The following LAG3 variants were observed in gnomAD, a reference collection of about 807,000 sequenced individuals.
LAG3 encodes the protein lymphocyte activating 3.
In LAG3, 29 loss-of-function variants were observed where a neutral mutation model predicts 49.0. That is an observed-to-expected ratio of 0.59 (90% confidence interval 0.44 to 0.81). LAG3 has a LOEUF of 0.81. Ranked by LOEUF, LAG3 falls within the 30% of genes least tolerant of loss-of-function variation. LAG3 has a pLI of 0.00. For synonymous variants in LAG3, 320 were observed against 297.3 expected (o/e 1.08, Z -0.79); for missense variants, 693 against 695.2 (o/e 1.00, Z 0.04).
intron 4 of LAG3, among the ~76,000 whole-genome samples, chr12:6,775,070 T>C (rs1185769618): frequency 6.6e-6 from 1 of 152,072 alleles, no homozygotes; most frequent in Non-Finnish European, 1.5e-5. Flanking sequence ...CCTTCCAGCG[T>C]CATTGCCGGC....
In LAG3 at chr12:6,774,635, G is replaced by A; in HGVS notation, c.552G>A (p.Trp184Ter). Reference sequence around the variant, plus strand: ...CAGGATCTCTCAGAGCCTCCGACTGGGTCATTTTGAACTGCTCCTTCAGCC... The same window carrying A: ...CAGGATCTCTCAGAGCCTCCGACTGAGTCATTTTGAACTGCTCCTTCAGCC... ...SPPGSLRASDWVILNCSFSRP... is the reference protein window; with the variant it reads ...SPPGSLRASD The change falls in exon 4 of 8, where the codon TGG (tryptophan) becomes TGA (stop). Residue 184 changes from tryptophan (W) to a stop codon, truncating the protein, a stop_gained. Coordinates refer to ENST00000203629, the MANE Select transcript of LAG3 (RefSeq NM_002286.6). LOFTEE classifies it high-confidence loss of function. 1 of 1,614,108 alleles carries A rather than the reference G, an allele frequency of 6.2e-7. No individual in the cohort carries two copies. Among genetic ancestry groups the A allele is most frequent in the Non-Finnish European group, 8.5e-7 (1 of 1,180,002 alleles).
At chr12:6,774,385 G>A (rs1941880147) in intron 3 of LAG3, among the ~76,000 whole-genome samples, 1 of 152,218 alleles carries the variant, frequency 6.6e-6, no homozygotes, top group Non-Finnish European at 1.5e-5. Flanking sequence ...CTCCAGGCCA[G>A]GGACGGGGAA....
intron 3 of LAG3, 134 bp downstream of exon 3, chr12:6,774,135 G>T: frequency 1.5e-6 from 2 of 1,309,066 alleles, no homozygotes; most frequent in Non-Finnish European, 1.9e-6. Context: ...GTAGAGGAAG[G>T]GGGTGGGCGG....
chr12:6,777,707 T>A, intron 6 of LAG3, 84 bp from the exon 7 acceptor site: 1 of 1,540,158 alleles, frequency 6.5e-7, no homozygotes, highest in Admixed American at 1.8e-5. Flanking sequence ...TCTCTGGATC[T>A]CATTGCATCT....
intron 4 of LAG3, 94 bp downstream of exon 4, chr12:6,774,958 G>A (rs1269090545): frequency 1.6e-6 from 2 of 1,251,384 alleles, no homozygotes; most frequent in East Asian, 2.3e-5. Context: ...CAGGTTCTCG[G>A]CAGCGAGTGG....
At position 6,774,871 on chromosome 12, in the gene LAG3, C is replaced by G; in HGVS notation, c.781+7C>G. 1.2e-6 allele frequency: 2 copies of G among 1,604,878 alleles called. No individual in the cohort carries two copies. The highest frequency in any genetic ancestry group is 1.7e-6 in the Non-Finnish European group (2 of 1,172,990). On this transcript the variant is annotated splice_region_variant and intron_variant, in intron 4 of 7. Transcript: ENST00000203629. Reference sequence around the variant, plus strand: ...TATAACCTCACTGTTCTGGGTAACTCCCCCACTCTGCTTCACATTTGACCA... The same window carrying G: ...TATAACCTCACTGTTCTGGGTAACTGCCCCACTCTGCTTCACATTTGACCA...
intron 5 of LAG3, among the ~76,000 whole-genome samples, chr12:6,777,032 A>T (rs953690920): frequency 6.6e-6 from 1 of 152,208 alleles, no homozygotes; most frequent in Non-Finnish European, 1.5e-5. Flanking sequence ...ACTTGAGTCC[A>T]GGAATTCCAG....
In LAG3 at chr12:6,774,815, C is replaced by A; in HGVS notation, c.732C>A (p.Thr244=). 1 of 1,614,138 alleles carries A rather than the reference C, an allele frequency of 6.2e-7. No individual in the cohort carries two copies. Among genetic ancestry groups the A allele is most frequent in the African/African-American group, 1.3e-5 (1 of 75,034 alleles). Reference sequence around the variant, plus strand: ...CTGGGCCCTGGGGCTGCATCCTCACCTACAGAGATGGCTTCAACGTCTCCA... The same window carrying A: ...CTGGGCCCTGGGGCTGCATCCTCACATACAGAGATGGCTTCAACGTCTCCA... ...MDSGPWGCIL[T]YRDGFNVSIM... is the part of the protein sequence containing the mutation. Residue 244 remains threonine (T), a synonymous_variant, in exon 4 of 8, where the codon ACC becomes ACA. Transcript: ENST00000203629.
chr12:6,775,484 C>T lies in LAG3; in HGVS notation c.993C>T (p.Tyr331=). Residue 331 remains tyrosine (Y), a synonymous_variant, in exon 5 of 8, where the codon TAC becomes TAT. Coordinates refer to ENST00000203629, the MANE Select transcript of LAG3 (RefSeq NM_002286.6). ...EDVSQAQAGT[Y]TCHIHLQEQQ... is the part of the protein sequence containing the mutation. ...TGAGCCAGGCCCAGGCTGGGACCTACACCTGCCATATCCATCTGCAGGAAC... is the reference window on the plus strand; with the variant it reads ...TGAGCCAGGCCCAGGCTGGGACCTATACCTGCCATATCCATCTGCAGGAAC... 6.2e-7 allele frequency: 1 copy of T among 1,614,210 alleles called. No individual in the cohort carries two copies. The highest frequency in any genetic ancestry group is 8.5e-7 in the Non-Finnish European group (1 of 1,180,018).
chr12:6,777,891 A>C lies in LAG3; in HGVS notation c.1401A>C (p.Gly467=), dbSNP rs747599991. 1 of 1,613,696 alleles carries C rather than the reference A, an allele frequency of 6.2e-7. No homozygotes were observed. The change falls in exon 7 of 8, where the codon GGA becomes GGC. Residue 467 remains glycine (G), a synonymous_variant. Transcript: ENST00000203629. ...TTTCTCTGCTCCTTTTGGTGACTGG[A>C]GCCTTTGGCTTTCACCTTTGGAGAA... is the stretch of plus-strand genomic sequence containing the variant. ...GVLSLLLLVT[G]AFGFHLWRRQ...
intron 5 of LAG3, among the ~76,000 whole-genome samples, chr12:6,776,253 C>A (rs1273893348): frequency 6.6e-6 from 1 of 152,162 alleles, no homozygotes; most frequent in African/African-American, 2.4e-5. Context: ...TGTTATACCA[C>A]CTCTCAGCCG....
In LAG3 at chr12:6,774,776, C is replaced by G. The variant is rs753111858; in HGVS notation, c.693C>G (p.Val231=). ...AAAGCTTCCTCTTCCTGCCCCAAGT[C>G]AGCCCCATGGACTCTGGGCCCTGGG... The part of the protein sequence containing the change: ...LAESFLFLPQ[V]SPMDSGPWGC... The change falls in exon 4 of 8, where the codon GTC becomes GTG. Residue 231 remains valine (V), a synonymous_variant. Coordinates refer to ENST00000203629, the MANE Select transcript of LAG3 (RefSeq NM_002286.6). The G allele has an allele frequency of 8.7e-6, 14 of 1,614,194 alleles. No homozygotes were observed. In the Middle Eastern group the frequency reaches 5.0e-4, roughly 57 times the overall value.
At chr12:6,778,163 A>T (rs976262549) in intron 7 of LAG3, 81 bp from the exon 8 acceptor site, 4 of 1,404,576 alleles carry the variant, frequency 2.8e-6, no homozygotes, top group Non-Finnish European at 3.9e-6. Context: ...AAATAGAGGG[A>T]CTCAGTGTCC....
chr12:6,773,749 G>A lies in LAG3; in HGVS notation c.259G>A (p.Ala87Thr). 1.5e-6 allele frequency: 2 copies of A among 1,326,754 alleles called. No homozygotes were observed. The highest frequency in any genetic ancestry group is 1.9e-6 in the Non-Finnish European group (2 of 1,044,904). The allele number at this position is 1,326,754 out of a possible 1,614,324, so 82.2% of individuals were successfully genotyped here. A position where few individuals can be genotyped will look rare whatever the true frequency, so the allele number is the denominator to read the frequency against. ...TCCCCTGGCCCCCGGCCCTCACCCG[G>A]CGGCGCCCTCCTCCTGGGGGCCCAG... ...GHPLAPGPHP[A>T]APSSWGPRPR... Residue 87 changes from alanine (A) to threonine (T), a missense_variant, in exon 3 of 8, where the codon GCG (alanine) becomes ACG (threonine). Transcript: ENST00000203629. The surrounding 1 kb of genome is among the most constrained non-coding windows in gnomAD (Gnocchi z 5.5).
At chr12:6,775,147 C>G (rs1264858581) in intron 4 of LAG3, 126 bp from the exon 5 acceptor site, 1 of 1,105,652 alleles carries the variant, frequency 9.0e-7, no homozygotes, top group East Asian at 2.4e-5. Context: ...TCACCTTATT[C>G]TGCTCCTTAG....
In LAG3 at chr12:6,777,818, G is replaced by C; in HGVS notation, c.1328G>C (p.Gly443Ala). Residue 443 changes from glycine (G) to alanine (A), a missense_variant, in exon 7 of 8, where the codon GGT (glycine) becomes GCT (alanine). By Grantham distance (60) the Gly-to-Ala change is moderately conservative. Transcript: ENST00000203629. ...PGAQRSGRAP[G>A]ALPAGHLLLF... is the part of the protein sequence containing the mutation. ...GCCCAACGCTCTGGGAGAGCCCCAG[G>C]TGCCCTCCCAGCAGGCCACCTCCTG... 6.2e-7 allele frequency: 1 copy of C among 1,613,880 alleles called. No individual in the cohort carries two copies. The highest frequency in any genetic ancestry group is 1.3e-5 in the African/African-American group (1 of 75,008).
chr12:6,774,433 C>G (rs989408232), intron 3 of LAG3, among the ~76,000 whole-genome samples, 162 bp from the exon 4 acceptor site: 1 of 152,162 alleles, frequency 6.6e-6, no homozygotes, highest in Non-Finnish European at 1.5e-5. Flanking sequence ...ACTTTATGCA[C>G]CTCCAGGTGC....
chr12:6,774,172 A>G (rs1488658184), intron 3 of LAG3, among the ~76,000 whole-genome samples, 171 bp downstream of exon 3: 2 of 149,656 alleles, frequency 1.3e-5, no homozygotes, highest in South Asian at 4.2e-4. Flanking sequence ...GTGCCCCCGA[A>G]GCACGTGTAT....
chr12:6,776,503 C>G (rs1271316266), intron 5 of LAG3, among the ~76,000 whole-genome samples: 1 of 152,194 alleles, frequency 6.6e-6, no homozygotes, highest in Non-Finnish European at 1.5e-5. Context: ...CTGGGAAGTG[C>G]CAGACTCTGG....
Sources: allele counts gnomAD v4.1 joint callset (sites outside exome capture counted in the v4.1 genomes callset), GRCh38; gene constraint gnomAD v4.1.1; non-coding constraint Gnocchi (gnomAD v3.1); transcripts MANE v1.5; gene names NCBI Gene and HGNC (gene_info 2026-07-23, HGNC 2026-07-21).